The following CFAP65 variants were observed in gnomAD, a reference collection of about 807,000 sequenced individuals.
The protein encoded by CFAP65 is cilia and flagella associated protein 65.
In CFAP65, 155 loss-of-function variants were observed where a neutral mutation model predicts 208.0. That is an observed-to-expected ratio of 0.75 (90% CI 0.65 to 0.85). CFAP65 has a LOEUF of 0.85. Ranked by LOEUF, CFAP65 falls within the 40% of genes least tolerant of loss-of-function variation. The probability of loss-of-function intolerance (pLI) is 0.00; values close to 1 mark genes in which losing one functional copy is unlikely to be tolerated. For synonymous variants in CFAP65, 970 were observed against 986.3 expected, an observed-to-expected ratio of 0.98 and a Z score of 0.31; for missense variants, 2,294 against 2,451.3, an observed-to-expected ratio of 0.94 and a Z score of 1.36.
chr2:219,040,628 G>C, intron 1 of CFAP65, 64 bp from the exon 2 acceptor site: 1 of 1,551,942 alleles, frequency 6.4e-7, no homozygotes, highest in East Asian at 2.4e-5. Flanking sequence ...GCCCTGTCCT[G>C]ACTCATTAAT....
chr2:219,006,426 G>A, intron 30 of CFAP65, 39 bp downstream of exon 30: 2 of 1,612,122 alleles, frequency 1.2e-6, no homozygotes. Flanking sequence ...ACCCTCCCAA[G>A]TTGTCCCAAG....
rs751154312 is a variant in CFAP65 at position 219,024,002 on chromosome 2, C to T, written c.2595+13G>A. ...ATTCCCAAGGACCCAGGTCCCCTCC[C>T]TCTGCCTCCTACCTTGAGATACTGG... On this transcript the variant is annotated intron_variant, in intron 15 of 34. Transcript: ENST00000341552. 6.2e-7 allele frequency: 1 copy of T among 1,609,856 alleles called. No individual in the cohort carries two copies. The highest frequency in any genetic ancestry group is 1.1e-5 in the South Asian group (1 of 90,900).
At position 219,006,492 on chromosome 2, in the gene CFAP65, T is replaced by C; in HGVS notation, c.4692A>G (p.Thr1564=). Residue 1564 remains threonine, a synonymous_variant, in exon 30 of 35, where the codon ACA becomes ACG. Transcript: ENST00000341552. ...TGTACTTCCTCGCAGGTTCACAGGC[T>C]GTGCAGCATGTTCTCTTCTGTGGAA... ...DMKVKKRTCC[T]ACEPARKYKT... The C allele has an allele frequency of 1.2e-6, 2 of 1,613,664 alleles. No individual in the cohort carries two copies. The highest frequency in any genetic ancestry group is 1.7e-6 in the Non-Finnish European group (2 of 1,179,968).
rs1240050222 is a variant in CFAP65 at position 219,041,419 on chromosome 2, A to G, written c.-49+69T>C. 3.3e-6 allele frequency: 5 copies of G among 1,511,838 alleles called. No homozygotes were observed. The African/African-American group carries it at 4.2e-5, about 13-fold the overall frequency. 93.7% of individuals were successfully genotyped at this position (1,511,838 alleles called of 1,614,324 possible). On this transcript the variant is annotated intron_variant, in intron 1 of 34. Transcript: ENST00000341552. ...CGAAGGATAGGGTCTCCCGGGACAG[A>G]TACCTTCCCTGGCCACTCGCGCCGC...
At chr2:219,038,616 C>G in intron 3 of CFAP65, 38 bp from the exon 4 acceptor site, 2 of 1,568,692 alleles carry the variant, frequency 1.3e-6, no homozygotes, top group Middle Eastern at 1.7e-4. Flanking sequence ...ACAGGAGTGA[C>G]ATGAGAAAGA....
rs151066400 is a variant in CFAP65, at chr2:219,013,277, G to A, written c.3939C>T (p.Asp1313=). Residue 1313 remains aspartate, a synonymous_variant, in exon 24 of 35, where the codon GAC becomes GAT. Coordinates refer to ENST00000341552, the MANE Select transcript of CFAP65 (RefSeq NM_194302.4). ...CACTGACCTGCCGTGGGGGTAGCGT[G>A]TCACCAATGGGAATGGGGATGAACT... ...THQFIPIPIG[D]TLPPRQIYEL... is the part of the protein sequence containing the mutation. 646 of 1,613,224 alleles carry A rather than the reference G, an allele frequency of 4.0e-4. 3 individuals are homozygous for A. The African/African-American group carries it at 6.0e-3, about 15-fold the overall frequency.
chr2:219,018,801 C>A, intron 21 of CFAP65: 1 of 525,232 alleles, frequency 1.9e-6, no homozygotes, highest in Non-Finnish European at 3.5e-6. Context: ...ATTAAGGCCA[C>A]TATGCCCAGG....
intron 13 of CFAP65, chr2:219,027,149 CTG>C (rs1380993261): frequency 8.7e-7 from 1 of 1,154,656 alleles, no homozygotes. Flanking sequence ...CACCACGCAT[CTG>C]GGGCCAGAAC....
chr2:219,028,093 G>A, intron 12 of CFAP65, 84 bp from the exon 13 acceptor site: 3 of 1,550,372 alleles, frequency 1.9e-6, no homozygotes, highest in Non-Finnish European at 2.6e-6. Flanking sequence ...TGTCTAGAAA[G>A]GCTACACCAG....
intron 29 of CFAP65, among the ~76,000 whole-genome samples, chr2:219,007,547 C>A (rs1392626405): frequency 6.6e-6 from 1 of 152,054 alleles, no homozygotes; most frequent in Non-Finnish European, 1.5e-5. Context: ...TCTGGGGGTT[C>A]AGTGTGGCAG....
rs1423675538 is a variant in CFAP65, at chr2:219,005,465, G to A, written c.5020C>T (p.Leu1674Phe). 6.2e-7 allele frequency: 1 copy of A among 1,613,844 alleles called. No individual in the cohort carries two copies. Among genetic ancestry groups the A allele is most frequent in the African/African-American group, 1.3e-5 (1 of 74,984 alleles). ...WGPVSKQKKQLLVDILTTIIR... is the reference protein window; with the variant it reads ...WGPVSKQKKQFLVDILTTIIR... ...ATTGTGGTGAGAATGTCAACCAGGAGCTGCTTCTTCTGCTTGGAAACAGGG... is the reference window on the plus strand; with the variant it reads ...ATTGTGGTGAGAATGTCAACCAGGAACTGCTTCTTCTGCTTGGAAACAGGG... The change falls in exon 32 of 35, where the codon CTC becomes TTC. Residue 1674 changes from leucine to phenylalanine, a missense_variant. Leu to Phe is a conservative substitution (Grantham distance 22). Transcript: ENST00000341552.
intron 23 of CFAP65, 51 bp downstream of exon 23, chr2:219,013,468 C>A: frequency 1.3e-6 from 2 of 1,564,198 alleles, no homozygotes; most frequent in African/African-American, 1.3e-5. Context: ...GTCCAGCCAG[C>A]CCCCTCCTCC....
In CFAP65 at chr2:219,010,021, C is replaced by T. The variant is rs201564070; in HGVS notation, c.4373G>A (p.Arg1458His). Residue 1458 changes from arginine to histidine, a missense_variant, in exon 27 of 35, where the codon CGC (arginine) becomes CAC (histidine). Arg to His is a conservative substitution (Grantham distance 29). Transcript: ENST00000341552. Reference protein sequence around the residue: ...GNIPVQSKCSRLLFLNNISKN... With the variant: ...GNIPVQSKCSHLLFLNNISKN... The stretch of plus-strand genomic sequence containing the variant: ...GGAGATGTTGTTGAGGAAGAGCAGG[C>T]GGCTGCACTTGCTCTGCACAGGTAT... 355 of 1,612,470 alleles carry T rather than the reference C, an allele frequency of 2.2e-4. 4 individuals are homozygous for T. The highest frequency in any genetic ancestry group is 3.3e-4 in the Middle Eastern group (2 of 6,052).
At chr2:219,030,941 T>G in intron 8 of CFAP65, 107 bp from the exon 9 acceptor site, 1 of 1,475,048 alleles carries the variant, frequency 6.8e-7, no homozygotes, top group Non-Finnish European at 9.1e-7. Context: ...ATTTAGCCTG[T>G]AACATCATGG....
In CFAP65 at chr2:219,040,576, CAG is replaced by C; in HGVS notation, c.-48-14_-48-13del. ...CAAAGAAATGTAAGCTGAGGAGACA[CAG>C]AGAGAGTCCATTACTTTTCTGCCAC... On this transcript the variant is annotated splice_polypyrimidine_tract_variant and intron_variant, in intron 1 of 34. Coordinates refer to ENST00000341552, the MANE Select transcript of CFAP65 (RefSeq NM_194302.4). 3 of 1,552,002 alleles carry C rather than the reference CAG, an allele frequency of 1.9e-6. No individual in the cohort carries two copies. Among genetic ancestry groups the C allele is most frequent in the South Asian group, 1.2e-5 (1 of 84,062 alleles).
At chr2:219,007,029 C>T in intron 29 of CFAP65, among the ~76,000 whole-genome samples, 1 of 152,078 alleles carries the variant, frequency 6.6e-6, no homozygotes, top group East Asian at 1.9e-4. Context: ...CGGGCAGCTC[C>T]AAGGGAGCTT....
rs1244065484 is a variant in CFAP65, at chr2:219,032,826, G to A, written c.543-254C>T. On this transcript the variant is annotated intron_variant, in intron 5 of 34. Transcript: ENST00000341552. The surrounding 1 kb of genome is among the most constrained non-coding windows in gnomAD (Gnocchi z 5.5). ...GGAGTAGTGTTTGTACCTCTGATGA[G>A]CATGGAGGCCTGAGAGGGACAGGGA... 6.6e-6 allele frequency among the ~76,000 whole-genome samples: 1 copy of A among 152,144 alleles called. No individual in the cohort carries two copies. The highest frequency in any genetic ancestry group is 1.5e-5 in the Non-Finnish European group (1 of 68,030).
chr2:219,010,185 C>A, intron 26 of CFAP65, 100 bp from the exon 27 acceptor site: 1 of 1,237,074 alleles, frequency 8.1e-7, no homozygotes, highest in Non-Finnish European at 1.1e-6. Flanking sequence ...GGGAGGATCA[C>A]GAGGTCAGAA....
At chr2:219,012,778 T>G (rs1946572157) in intron 24 of CFAP65, among the ~76,000 whole-genome samples, 1 of 152,250 alleles carries the variant, frequency 6.6e-6, no homozygotes, top group African/African-American at 2.4e-5. Context: ...TAAGACCTAC[T>G]GGTGAGCAGA....
Sources: allele counts gnomAD v4.1 joint callset (sites outside exome capture counted in the v4.1 genomes callset), GRCh38; gene constraint gnomAD v4.1.1; non-coding constraint Gnocchi (gnomAD v3.1); transcripts MANE v1.5; gene names NCBI Gene and HGNC (gene_info 2026-07-23, HGNC 2026-07-21).